RBM19: variants seen among roughly 807,000 people sequenced by gnomAD.
RBM19 encodes the protein probable RNA-binding protein 19.
RBM19 carries 94 observed loss-of-function variants against 116.8 expected under a neutral mutation model. The ratio of observed to expected loss-of-function variants is 0.80; its 90% CI spans 0.68 to 0.95. RBM19 has a LOEUF of 0.95. Among genes scored for constraint, RBM19 ranks in the 40% least tolerant of loss-of-function variants. RBM19 has a pLI of 0.00. For synonymous variants in RBM19, 475 were observed against 494.1 expected (o/e 0.96, Z 0.51); for missense variants, 1,161 against 1,220.7 (o/e 0.95, Z 0.73).
chr12:113,819,035 G>T (rs1205420755), downstream of RBM19, among the ~76,000 whole-genome samples: 2 of 152,218 alleles, frequency 1.3e-5, no homozygotes, highest in Non-Finnish European at 2.9e-5. Flanking sequence ...CCAGGCGCCC[G>T]CTAGTGCCCA....
chr12:113,896,945 T>C (rs1250562055), intron 21 of RBM19, among the ~76,000 whole-genome samples: 1 of 152,220 alleles, frequency 6.6e-6, no homozygotes, highest in Non-Finnish European at 1.5e-5. Context: ...AGTAGCAGTT[T>C]ACACCATCTC....
chr12:113,864,725 T>A (rs12319169), intron 21 of RBM19, among the ~76,000 whole-genome samples: 5,047 of 152,222 alleles, frequency 0.033, 274 homozygotes, highest in African/African-American at 0.11. Flanking sequence ...AGAACTATCA[T>A]CTAAAATTCT....
chr12:113,895,943 T>A (rs1881291790), intron 21 of RBM19, among the ~76,000 whole-genome samples: 1 of 151,822 alleles, frequency 6.6e-6, no homozygotes, highest in Non-Finnish European at 1.5e-5. Context: ...CTCTCTCAAA[T>A]ATACATGTAC....
Position 113,829,280 on chromosome 12 carries a change from C to CA in RBM19, c.2786-5960dup, listed in dbSNP as rs565356347. 7.5e-4 allele frequency among the ~76,000 whole-genome samples: 115 copies of CA among 152,354 alleles called. 2 individuals carry two copies. Among genetic ancestry groups the CA allele is most frequent in the African/African-American group, 2.6e-3 (109 of 41,588 alleles). ...ATAGGCATGAGCCACTACGTCCAGC[C>CA]AGTTGTGCCTTTTTAAAACACAGCG... On this transcript the variant is annotated intron_variant, in intron 23 of 23. Coordinates refer to ENST00000261741, the MANE Select transcript of RBM19 (RefSeq NM_016196.4).
At chr12:113,819,837 T>A (rs1243362785), downstream of RBM19, among the ~76,000 whole-genome samples, 1 of 152,212 alleles carries the variant, frequency 6.6e-6, no homozygotes, top group African/African-American at 2.4e-5. Context: ...AAATGACTTT[T>A]CCCGAGCTCC....
At chr12:113,902,523 C>T (rs1026289830) in intron 21 of RBM19, among the ~76,000 whole-genome samples, 1 of 146,176 alleles carries the variant, frequency 6.8e-6, no homozygotes, top group African/African-American at 2.5e-5. Context: ...CCCTTGAGCC[C>T]AGGAGTTTGA....
chr12:113,874,078 C>T (rs142563514), intron 21 of RBM19, among the ~76,000 whole-genome samples: 93 of 152,360 alleles, frequency 6.1e-4, no homozygotes, highest in African/African-American at 2.0e-3. Context: ...TGTCTGCACA[C>T]GACTAGCATT....
chr12:113,830,573 G>T (rs1257749151), intron 23 of RBM19, among the ~76,000 whole-genome samples: 1 of 27,174 alleles, frequency 3.7e-5, no homozygotes. Flanking sequence ...AGGGCTGCGG[G>T]GCGGGGGGGG....
intron 6 of RBM19, among the ~76,000 whole-genome samples, chr12:113,956,938 G>T (rs902473904): frequency 3.3e-5 from 5 of 152,228 alleles, no homozygotes; most frequent in African/African-American, 1.2e-4. Flanking sequence ...TGCCTAGTGT[G>T]TAGCGCAGGC....
At chr12:113,941,019 A>C (rs1870526694) in intron 14 of RBM19, among the ~76,000 whole-genome samples, 1 of 152,238 alleles carries the variant, frequency 6.6e-6, no homozygotes, top group Admixed American at 6.5e-5. Context: ...GAGGAGGATA[A>C]AAGAGCCAAT....
At chr12:113,920,558 C>T in intron 19 of RBM19, 53 bp downstream of exon 19, 3 of 1,512,296 alleles carry the variant, frequency 2.0e-6, no homozygotes, top group Non-Finnish European at 1.8e-6. Context: ...GACGGGACCT[C>T]CCACTACCTG....
intron 22 of RBM19, among the ~76,000 whole-genome samples, chr12:113,845,748 C>T (rs945710614): frequency 6.6e-6 from 1 of 152,302 alleles, no homozygotes; most frequent in East Asian, 1.9e-4. Flanking sequence ...AATGGCACTG[C>T]ACAGGGACGC....
chr12:113,953,182 C>A (rs572729528), intron 7 of RBM19, among the ~76,000 whole-genome samples: 116 of 152,310 alleles, frequency 7.6e-4, no homozygotes, highest in African/African-American at 2.6e-3. Flanking sequence ...CATGATCGGG[C>A]ACTTTCCAAA....
Position 113,898,032 on chromosome 12 carries a change from G to A in RBM19, c.2558+16937C>T, listed in dbSNP as rs1488789308. Reference sequence around the variant, plus strand: ...AACCAGCAGCATTTCAACCACAGGTGGGCTTGGCTGGGAAAAAGATCTACA... The same window carrying A: ...AACCAGCAGCATTTCAACCACAGGTAGGCTTGGCTGGGAAAAAGATCTACA... On this transcript the variant is annotated intron_variant, in intron 21 of 23. Coordinates refer to ENST00000261741, the MANE Select transcript of RBM19 (RefSeq NM_016196.4). This position sits in a 1 kb window ranked among gnomAD's most constrained non-coding sequence, Gnocchi z 4.3. Among the ~76,000 whole-genome samples the A allele has an allele frequency of 6.6e-6, 1 of 152,162 alleles. No homozygotes were observed. The highest frequency in any genetic ancestry group is 2.4e-5 in the African/African-American group (1 of 41,428).
intron 21 of RBM19, among the ~76,000 whole-genome samples, chr12:113,879,345 G>C (rs1879918428): frequency 6.6e-6 from 1 of 151,232 alleles, no homozygotes; most frequent in South Asian, 2.1e-4. Flanking sequence ...CTGTACCTAA[G>C]GTCTTCTGGT....
At chr12:113,950,248 A>C in intron 8 of RBM19, 94 bp from the exon 9 acceptor site, 1 of 1,019,516 alleles carries the variant, frequency 9.8e-7, no homozygotes, top group South Asian at 1.4e-5. Context: ...TAGGAGCAGA[A>C]AGTGAGGGAG....
chr12:113,882,170 G>A lies in RBM19; in HGVS notation c.2559-23274C>T, dbSNP rs114680057. ...GGACACAGTGAAGGGCAGGTGTGTA[G>A]GAGAGATAGGTGCTGGGACCTCATG... On this transcript the variant is annotated intron_variant, in intron 21 of 23. Coordinates refer to ENST00000261741, the MANE Select transcript of RBM19 (RefSeq NM_016196.4). 7.2e-3 allele frequency among the ~76,000 whole-genome samples: 1,100 copies of A among 152,330 alleles called. 12 individuals carry two copies. The highest frequency in any genetic ancestry group is 0.024 in the African/African-American group (995 of 41,576).
chr12:113,919,424 A>T (rs1882974192), intron 19 of RBM19, among the ~76,000 whole-genome samples: 1 of 152,176 alleles, frequency 6.6e-6, no homozygotes, highest in African/African-American at 2.4e-5. Flanking sequence ...ACGAAAAATT[A>T]GCCGGGCTTG....
chr12:113,865,900 A>G (rs7965054), intron 21 of RBM19, among the ~76,000 whole-genome samples: 31,401 of 152,026 alleles, frequency 0.21, 3,608 homozygotes, highest in East Asian at 0.36. Flanking sequence ...ATGATGTTCA[A>G]ATCATGTGCT....
Sources: allele counts gnomAD v4.1 joint callset (sites outside exome capture counted in the v4.1 genomes callset), GRCh38; gene constraint gnomAD v4.1.1; non-coding constraint Gnocchi (gnomAD v3.1); transcripts MANE v1.5; gene names NCBI Gene and HGNC (gene_info 2026-07-23, HGNC 2026-07-21).